TIAM1: variants seen among roughly 807,000 people sequenced by gnomAD.
TIAM1 encodes rho guanine nucleotide exchange factor TIAM1.
In TIAM1, 65 loss-of-function variants were observed where a neutral mutation model predicts 163.5. That is an observed-to-expected ratio of 0.40 (90% CI 0.33 to 0.49). TIAM1 has a LOEUF of 0.49. TIAM1 is among the 20% of genes least tolerant of loss of function. TIAM1 has a pLI of 0.77. For missense variants in TIAM1, 1,789 were observed against 2,044.7 expected (o/e 0.87, Z 2.41); for synonymous variants, 833 against 810.1 (o/e 1.03, Z -0.48).
chr21:31,484,889 T>C (rs1226412248), intron 1 of TIAM1, among the ~76,000 whole-genome samples: 1 of 152,184 alleles, frequency 6.6e-6, no homozygotes, highest in Non-Finnish European at 1.5e-5. Context: ...GCAGAGCCCT[T>C]GTGAATGGGA....
At chr21:31,131,386 A>G (rs1229477822) in intron 23 of TIAM1, among the ~76,000 whole-genome samples, 1 of 152,266 alleles carries the variant, frequency 6.6e-6, no homozygotes, top group East Asian at 1.9e-4. Context: ...AGACAGTGAT[A>G]ATTTAGGAAA....
chr21:31,215,830 G>A (rs6517018), intron 9 of TIAM1, among the ~76,000 whole-genome samples: 11,794 of 152,044 alleles, frequency 0.078, 1,358 homozygotes, highest in African/African-American at 0.25. Context: ...TCTGCTCTCC[G>A]CAGGTTCCAT....
In TIAM1 at chr21:31,267,047, G is replaced by A. The variant is rs2072817350; in HGVS notation, c.-11-64C>T. 2.6e-6 allele frequency: 4 copies of A among 1,510,118 alleles called. No individual in the cohort carries two copies. In the South Asian group the frequency reaches 5.3e-5, roughly 20 times the overall value. 93.5% of individuals were successfully genotyped at this position (1,510,118 alleles called of 1,614,324 possible). A position where few individuals can be genotyped will look rare whatever the true frequency, so the allele number is the denominator to read the frequency against. On this transcript the variant is annotated intron_variant, in intron 3 of 27. Transcript: ENST00000541036. The stretch of plus-strand genomic sequence containing the variant: ...TATTAGTACAGGTATAGGCATCTTA[G>A]AGAAAGCGCTCAGCCTGCAGGGAGG...
At chr21:31,548,541 T>G (rs1412269084) in intron 1 of TIAM1, among the ~76,000 whole-genome samples, 1 of 147,532 alleles carries the variant, frequency 6.8e-6, no homozygotes, top group Non-Finnish European at 1.5e-5. Flanking sequence ...CAGGCTGGAG[T>G]GCAATGGCAC....
chr21:31,139,496 A>T (rs1172793110), intron 22 of TIAM1, among the ~76,000 whole-genome samples: 1 of 152,040 alleles, frequency 6.6e-6, no homozygotes, highest in East Asian at 1.9e-4. Flanking sequence ...AAACATATAC[A>T]TAGATATTAA....
At chr21:31,386,013 A>G (rs2076865551) in intron 2 of TIAM1, among the ~76,000 whole-genome samples, 1 of 151,140 alleles carries the variant, frequency 6.6e-6, no homozygotes, top group African/African-American at 2.4e-5. Context: ...TATTGTGCCT[A>G]TGCAGAAATG....
chr21:31,368,532 G>C (rs1287324657), intron 2 of TIAM1, among the ~76,000 whole-genome samples: 1 of 152,108 alleles, frequency 6.6e-6, no homozygotes, highest in Admixed American at 6.6e-5. Flanking sequence ...AGTCTAAAAA[G>C]CTAAAAATAG....
At chr21:31,424,963 G>T (rs147065610) in intron 2 of TIAM1, among the ~76,000 whole-genome samples, 1 of 151,626 alleles carries the variant, frequency 6.6e-6, no homozygotes, top group African/African-American at 2.4e-5. Flanking sequence ...TGAGGCAGGA[G>T]AATCGCTTGA....
intron 2 of TIAM1, among the ~76,000 whole-genome samples, chr21:31,325,844 CT>C (rs953200191): frequency 4.6e-5 from 7 of 152,256 alleles, no homozygotes; most frequent in African/African-American, 1.2e-4. Flanking sequence ...AGAACCCACA[CT>C]TTTCAATATT....
chr21:31,451,746 TGTGTGTGTGTGTGTGA>T (rs1398581032), intron 2 of TIAM1, among the ~76,000 whole-genome samples: 13 of 147,798 alleles, frequency 8.8e-5, no homozygotes, highest in African/African-American at 2.7e-4. Flanking sequence ...TGTGTGTGTG[TGTGTGTGTGTGTGTGA>T]GACACAGAGA....
chr21:31,481,139 C>T (rs118033391), intron 1 of TIAM1, among the ~76,000 whole-genome samples: 7,543 of 152,266 alleles, frequency 0.05, 306 homozygotes, highest in Non-Finnish European at 0.074. Context: ...TGAGGCCTTT[C>T]TTCTTGGCTT....
At chr21:31,302,669 A>C (rs977092570) in intron 2 of TIAM1, among the ~76,000 whole-genome samples, 3 of 152,038 alleles carry the variant, frequency 2.0e-5, no homozygotes, top group African/African-American at 7.2e-5. Context: ...CTTCCTAAAC[A>C]TCTAAGAGAT....
At chr21:31,298,667 G>A (rs1022994934) in intron 2 of TIAM1, among the ~76,000 whole-genome samples, 1 of 151,816 alleles carries the variant, frequency 6.6e-6, no homozygotes, top group African/African-American at 2.4e-5. Context: ...TCACTAACGT[G>A]ACAGACGTCA....
At chr21:31,180,734 T>C (rs915288397) in intron 15 of TIAM1, among the ~76,000 whole-genome samples, 2 of 152,260 alleles carry the variant, frequency 1.3e-5, no homozygotes, top group African/African-American at 2.4e-5. Context: ...CCTGCCATCT[T>C]GTGGTCACAT....
intron 15 of TIAM1, among the ~76,000 whole-genome samples, chr21:31,177,705 A>G (rs144372959): frequency 9.2e-5 from 14 of 152,340 alleles, no homozygotes; most frequent in East Asian, 5.8e-4. Flanking sequence ...TTCTACATAG[A>G]AGAAACAAAC....
rs190130640 is a variant in TIAM1 at position 31,544,996 on chromosome 21, G to A, written c.-422+13931C>T. Among the ~76,000 whole-genome samples the A allele has an allele frequency of 6.0e-5, 9 of 150,876 alleles. No individual in the cohort carries two copies. The East Asian group carries it at 1.2e-3, about 19-fold the overall frequency. ...CCACTGTACTCCAGCCTGGGTGACA[G>A]AGTGAGACTCCGTCTCAAAAAAAAA... On this transcript the variant is annotated intron_variant, in intron 1 of 28. Transcript: ENST00000286827.
At chr21:31,418,753 C>T (rs1602231865) in intron 2 of TIAM1, among the ~76,000 whole-genome samples, 1 of 152,256 alleles carries the variant, frequency 6.6e-6, no homozygotes, top group Non-Finnish European at 1.5e-5. Context: ...AAACACACCG[C>T]CAGAGAAGAA....
rs1372618334 is a variant in TIAM1 at position 31,210,619 on chromosome 21, AAG to A, written c.2218-406_2218-405del. Among the ~76,000 whole-genome samples, 6 of 13,786 alleles carry A rather than the reference AAG, an allele frequency of 4.4e-4. 1 individual carries two copies. The highest frequency in any genetic ancestry group is 2.9e-3 in the South Asian group (1 of 348). 9.0% of individuals were successfully genotyped at this position (13,786 alleles called of 152,430 possible). ...GAGAGAAAGAAGGAAGGAAGGGAGA[AAG>A]AAAGAAAGAAAGAAAGAAAGAAAGA... is the stretch of plus-strand genomic sequence containing the variant. On this transcript the variant is annotated intron_variant, in intron 10 of 27. Coordinates refer to ENST00000541036, the MANE Select transcript of TIAM1 (RefSeq NM_001353694.2).
chr21:31,360,779 C>A (rs967638455), intron 2 of TIAM1, among the ~76,000 whole-genome samples: 1 of 152,168 alleles, frequency 6.6e-6, no homozygotes, highest in African/African-American at 2.4e-5. Context: ...AGAAAATATT[C>A]CAATGACCAA....
Sources: allele counts gnomAD v4.1 joint callset (sites outside exome capture counted in the v4.1 genomes callset), GRCh38; gene constraint gnomAD v4.1.1; transcripts MANE v1.5; gene names NCBI Gene and HGNC (gene_info 2026-07-23, HGNC 2026-07-21).